CCDC112: variants seen among roughly 807,000 people sequenced by gnomAD.
The protein encoded by CCDC112 is coiled-coil domain containing 112.
In CCDC112, 40 loss-of-function variants were observed where a neutral mutation model predicts 66.3. The ratio of observed to expected loss-of-function variants is 0.60; its 90% confidence interval spans 0.47 to 0.79. CCDC112 has a LOEUF of 0.79. Among genes scored for constraint, CCDC112 ranks in the 30% least tolerant of loss-of-function variants. The probability of loss-of-function intolerance (pLI) is 0.00; values close to 1 mark genes in which losing one functional copy is unlikely to be tolerated. For synonymous variants in CCDC112, 214 were observed against 197.2 expected (o/e 1.09, Z -0.71); for missense variants, 659 against 603.8 (o/e 1.09, Z -0.96).
chr5:115,279,258 TA>T (rs1749340623), intron 3 of CCDC112, among the ~76,000 whole-genome samples: 1 of 152,162 alleles, frequency 6.6e-6, no homozygotes, highest in South Asian at 2.1e-4. Flanking sequence ...TGTTGATGCT[TA>T]CTGAGTCCAG....
chr5:115,267,859 G>A lies in CCDC112; in HGVS notation c.*17C>T. On this transcript the variant is annotated 3_prime_UTR_variant, in exon 10 of 10. Coordinates refer to ENST00000379611, the MANE Select transcript of CCDC112 (RefSeq NM_001040440.3). ...GTATGTTAACATTCTTATCAACTGA[G>A]TAGCAATTTGATTATCTCATACTCT... 6.3e-7 allele frequency: 1 copy of A among 1,599,334 alleles called. No homozygotes were observed. The highest frequency in any genetic ancestry group is 1.7e-5 in the Admixed American group (1 of 60,000).
intron 2 of CCDC112, among the ~76,000 whole-genome samples, chr5:115,280,793 A>T (rs1160677801): frequency 6.6e-6 from 1 of 151,886 alleles, no homozygotes; most frequent in Non-Finnish European, 1.5e-5. Context: ...AGCTCAAGTG[A>T]TCTGCCCACC....
chr5:115,283,559 A>C (rs1035741927), intron 2 of CCDC112, among the ~76,000 whole-genome samples: 1 of 152,172 alleles, frequency 6.6e-6, no homozygotes, highest in African/African-American at 2.4e-5. Context: ...GTTTGTGTAC[A>C]TCCATACATC....
intron 1 of CCDC112, 29 bp from the exon 2 acceptor site, chr5:115,284,937 G>A: frequency 6.3e-7 from 1 of 1,581,378 alleles, no homozygotes; most frequent in Non-Finnish European, 8.6e-7. Flanking sequence ...AAACTTAACA[G>A]TAATGAAAAT....
intron 9 of CCDC112, among the ~76,000 whole-genome samples, 156 bp downstream of exon 9, chr5:115,268,726 A>G (rs907241307): frequency 9.4e-5 from 14 of 148,244 alleles, no homozygotes; most frequent in African/African-American, 2.9e-4. Flanking sequence ...TTTATATAAA[A>G]AAGATTTAGG....
intron 2 of CCDC112, 78 bp downstream of exon 2, chr5:115,284,709 G>A: frequency 3.5e-6 from 4 of 1,149,000 alleles, no homozygotes; most frequent in Non-Finnish European, 5.1e-6. Flanking sequence ...CCTAGGTAGG[G>A]TAGAGTAGAA....
intron 2 of CCDC112, among the ~76,000 whole-genome samples, chr5:115,280,685 T>C (rs1414661827): frequency 1.3e-5 from 2 of 151,896 alleles, no homozygotes; most frequent in Admixed American, 6.6e-5. Context: ...CCTGAGTAGC[T>C]GGGACTACAG....
chr5:115,287,625 A>G (rs913406972), intron 1 of CCDC112, among the ~76,000 whole-genome samples: 2 of 152,026 alleles, frequency 1.3e-5, no homozygotes, highest in African/African-American at 4.8e-5. Flanking sequence ...AGCCCGAGTA[A>G]TAAGAAAAGC....
chr5:115,271,570 T>G lies in CCDC112; in HGVS notation c.975A>C (p.Leu325Phe), dbSNP rs1479393263. The G allele has an allele frequency of 1.3e-6, 2 of 1,566,004 alleles. No individual in the cohort carries two copies. Among genetic ancestry groups the G allele is most frequent in the Non-Finnish European group, 8.6e-7 (1 of 1,163,616 alleles). ...CAGGTGTGTTGTCTGCCTTTTCCTT[T>G]AACTTGAAAATTTCCTCCCTTTTTT... ...KQQKREEIFKLKEKADNTPVL... is the reference protein window; with the variant it reads ...KQQKREEIFKFKEKADNTPVL... Residue 325 changes from leucine to phenylalanine, a missense_variant, in exon 7 of 10, where the codon TTA (leucine) becomes TTC (phenylalanine). Leu to Phe is a conservative substitution (Grantham distance 22, BLOSUM62 0). Transcript: ENST00000379611.
chr5:115,285,886 A>G (rs1749654263), intron 1 of CCDC112, among the ~76,000 whole-genome samples: 1 of 152,148 alleles, frequency 6.6e-6, no homozygotes, highest in Non-Finnish European at 1.5e-5. Flanking sequence ...AGAAAATAAA[A>G]GAAGACTCAA....
rs750418329 is a variant in CCDC112 at position 115,271,583 on chromosome 5, T to C, written c.962A>G (p.Glu321Gly). The change falls in exon 7 of 10, where the codon GAA becomes GGA. Residue 321 changes from glutamate to glycine, a missense_variant. Physicochemically the swap from Glu to Gly is moderately conservative, Grantham distance 98. Coordinates refer to ENST00000379611, the MANE Select transcript of CCDC112 (RefSeq NM_001040440.3). Reference protein sequence around the residue: ...WKTKKQQKREEIFKLKEKADN... With the variant: ...WKTKKQQKREGIFKLKEKADN... ...TGCCTTTTCCTTTAACTTGAAAATTTCCTCCCTTTTTTGCTGCTTTTTAGT... is the reference window on the plus strand; with the variant it reads ...TGCCTTTTCCTTTAACTTGAAAATTCCCTCCCTTTTTTGCTGCTTTTTAGT... 1 of 1,555,772 alleles carries C rather than the reference T, an allele frequency of 6.4e-7. No individual in the cohort carries two copies. The highest frequency in any genetic ancestry group is 1.7e-4 in the Middle Eastern group (1 of 5,796).
At chr5:115,277,419 A>C (rs1156607526) in intron 3 of CCDC112, among the ~76,000 whole-genome samples, 1 of 152,168 alleles carries the variant, frequency 6.6e-6, no homozygotes, top group East Asian at 1.9e-4. Flanking sequence ...ATTTGTTATA[A>C]CTTATGGAAA....
intron 1 of CCDC112, among the ~76,000 whole-genome samples, chr5:115,289,514 T>A (rs1473102472): frequency 6.6e-6 from 1 of 152,202 alleles, no homozygotes; most frequent in Non-Finnish European, 1.5e-5. Context: ...CACTGTTCTG[T>A]CATGCCCTGT....
intron 5 of CCDC112, among the ~76,000 whole-genome samples, 180 bp from the exon 6 acceptor site, chr5:115,275,786 T>A (rs376252376): frequency 1.5e-4 from 23 of 152,290 alleles, no homozygotes; most frequent in African/African-American, 4.6e-4. Flanking sequence ...AAATTCTTAT[T>A]TGGGATTTTA....
intron 4 of CCDC112, 77 bp from the exon 5 acceptor site, chr5:115,276,146 G>A (rs1749198200): frequency 2.0e-6 from 2 of 995,586 alleles, no homozygotes; most frequent in African/African-American, 3.3e-5. Flanking sequence ...AAGAAAAAGT[G>A]GAATGTTCTC....
rs1031376556 is a variant in CCDC112, at chr5:115,275,683, C to T, written c.528-77G>A. 5.7e-6 allele frequency: 6 copies of T among 1,051,218 alleles called. No individual in the cohort carries two copies. The East Asian group carries it at 1.5e-4, about 27-fold the overall frequency. 65.1% of individuals were successfully genotyped at this position (1,051,218 alleles called of 1,614,324 possible). ...TAATTTTCCATCAAATTTAAGATACCTGACTCTTTATATCATCTTCTCCAC... is the reference window on the plus strand; with the variant it reads ...TAATTTTCCATCAAATTTAAGATACTTGACTCTTTATATCATCTTCTCCAC... On this transcript the variant is annotated intron_variant, in intron 5 of 9. Transcript: ENST00000379611.
rs1346047808 is a variant in CCDC112 at position 115,275,412 on chromosome 5, T to C, written c.722A>G (p.Gln241Arg). ...EEVLDFEKFLQQTGGRQGAWD... is the reference protein window; with the variant it reads ...EEVLDFEKFLRQTGGRQGAWD... ...GGCACCTTGTCGCCCTCCTGTTTGC[T>C]GAAGGAATTTTTCAAAATCTAGTAC... The change falls in exon 6 of 10, where the codon CAG becomes CGG. Residue 241 changes from glutamine (Q) to arginine (R), a missense_variant. Coordinates refer to ENST00000379611, the MANE Select transcript of CCDC112 (RefSeq NM_001040440.3). 1.2e-6 allele frequency: 2 copies of C among 1,614,062 alleles called. No individual in the cohort carries two copies. Among genetic ancestry groups the C allele is most frequent in the South Asian group, 2.2e-5 (2 of 91,086 alleles).
At position 115,269,601 on chromosome 5, in the gene CCDC112, T is replaced by C. The variant is rs192252099; in HGVS notation, c.1428+102A>G. On this transcript the variant is annotated intron_variant, in intron 8 of 9. Coordinates refer to ENST00000379611, the MANE Select transcript of CCDC112 (RefSeq NM_001040440.3). ...AGTATGAAATTTAAAGTAGATGTTA[T>C]AGAAATAAGGTGAGATATAAAGGAA... The C allele has an allele frequency of 3.1e-4, 243 of 776,996 alleles. 2 individuals carry two copies. The East Asian group carries it at 5.6e-3, about 18-fold the overall frequency. The allele number at this position is 776,996 out of a possible 1,614,324, so 48.1% of individuals were successfully genotyped here. A position where few individuals can be genotyped will look rare whatever the true frequency, so the allele number is the denominator to read the frequency against.
intron 3 of CCDC112, among the ~76,000 whole-genome samples, chr5:115,279,416 T>C (rs915244320): frequency 1.3e-5 from 2 of 152,062 alleles, no homozygotes; most frequent in South Asian, 2.1e-4. Flanking sequence ...GGAAAAAATA[T>C]ACAACAGAAA....
Sources: allele counts gnomAD v4.1 joint callset (sites outside exome capture counted in the v4.1 genomes callset), GRCh38; gene constraint gnomAD v4.1.1; transcripts MANE v1.5; gene names NCBI Gene and HGNC (gene_info 2026-07-23, HGNC 2026-07-21).